Variants in LOXHD1 observed in about 807,000 individuals in gnomAD.
LOXHD1 encodes the protein lipoxygenase homology PLAT domains 1, also known as lipoxygenase homology domain-containing protein 1.
A neutral mutation model predicts 248.2 loss-of-function variants in LOXHD1; 205 were observed. The ratio of observed to expected loss-of-function variants is 0.83; its 90% CI spans 0.74 to 0.93. LOXHD1 has a LOEUF of 0.93. LOXHD1 is among the 40% of genes least tolerant of loss of function. The pLI, the probability that LOXHD1 is intolerant of heterozygous loss-of-function variation, is 0.00. For missense variants in LOXHD1, 2,930 were observed against 2,971.6 expected (o/e 0.99, Z 0.33); for synonymous variants, 1,113 against 1,162.8 (o/e 0.96, Z 0.87).
intron 24 of LOXHD1, among the ~76,000 whole-genome samples, chr18:46,542,349 G>A (rs963491283): frequency 3.3e-5 from 5 of 152,174 alleles, no homozygotes; most frequent in African/African-American, 1.2e-4. Flanking sequence ...TGAAGCAATT[G>A]AATCAAAGGC....
intron 21 of LOXHD1, among the ~76,000 whole-genome samples, chr18:46,550,102 G>A (rs2037024051): frequency 6.6e-6 from 1 of 152,258 alleles, no homozygotes; most frequent in African/African-American, 2.4e-5. Flanking sequence ...CAATGATTAA[G>A]TGACTTAACA....
At chr18:46,572,654 T>G (rs2037775627) in intron 14 of LOXHD1, among the ~76,000 whole-genome samples, 1 of 152,066 alleles carries the variant, frequency 6.6e-6, no homozygotes, top group African/African-American at 2.4e-5. Flanking sequence ...AACAAGCACC[T>G]CTTTTTCTAA....
chr18:46,631,739 C>A (rs551173005), intron 4 of LOXHD1, among the ~76,000 whole-genome samples: 1 of 152,208 alleles, frequency 6.6e-6, no homozygotes, highest in Non-Finnish European at 1.5e-5. Flanking sequence ...ATAGGGCAGG[C>A]CCCGGGGCTC....
chr18:46,585,350 G>T (rs1387214988), intron 12 of LOXHD1, among the ~76,000 whole-genome samples: 1 of 152,124 alleles, frequency 6.6e-6, no homozygotes, highest in Non-Finnish European at 1.5e-5. Context: ...CAAAGTTGTA[G>T]AGTACAAGAT....
chr18:46,639,519 A>C, intron 4 of LOXHD1, 97 bp downstream of exon 4: 1 of 1,361,416 alleles, frequency 7.3e-7, no homozygotes, highest in Non-Finnish European at 9.9e-7. Context: ...AAGATGAGGT[A>C]GGTGAGACTG....
intron 4 of LOXHD1, among the ~76,000 whole-genome samples, chr18:46,637,805 A>G (rs945373320): frequency 1.3e-4 from 20 of 152,218 alleles, no homozygotes; most frequent in African/African-American, 4.8e-4. Context: ...AGCTGGTAAT[A>G]CTGTGCAAAG....
Position 46,636,093 on chromosome 18 carries a change from C to T in LOXHD1, c.511+3523G>A, listed in dbSNP as rs189710628. 6.9e-4 allele frequency among the ~76,000 whole-genome samples: 105 copies of T among 152,300 alleles called. 1 individual carries two copies. Among genetic ancestry groups the T allele is most frequent in the South Asian group, 4.8e-3 (23 of 4,818 alleles). ...ACTTGGTTCTAGGATCTTCTATCCA[C>T]AAAACTGTGAGGCTGATCAGCTTCT... On this transcript the variant is annotated intron_variant, in intron 4 of 40. Transcript: ENST00000642948.
At position 46,576,836 on chromosome 18, in the gene LOXHD1, C is replaced by T. The variant is rs151207611; in HGVS notation, c.1970+871G>A. On this transcript the variant is annotated intron_variant, in intron 14 of 40. Coordinates refer to ENST00000642948, the MANE Select transcript of LOXHD1 (RefSeq NM_001384474.1). ...CAGCAGATGTGTGCCTGTGTGTGTG[C>T]GCCTGTAGGCACAGGCATGCATGTG... Among the ~76,000 whole-genome samples, 708 of 152,198 alleles carry T rather than the reference C, an allele frequency of 4.7e-3. 4 individuals are homozygous for T. Among genetic ancestry groups the T allele is most frequent in the Admixed American group, 6.7e-3 (103 of 15,292 alleles).
At chr18:46,559,237 G>A in intron 20 of LOXHD1, 3 of 1,507,048 alleles carry the variant, frequency 2.0e-6, no homozygotes, top group Non-Finnish European at 2.7e-6. Flanking sequence ...TGGCCCATGG[G>A]CTCTAGGTGC....
chr18:46,652,363 A>T (rs1413445659), intron 1 of LOXHD1, among the ~76,000 whole-genome samples: 1 of 152,230 alleles, frequency 6.6e-6, no homozygotes, highest in Non-Finnish European at 1.5e-5. Context: ...ATTTTATTAT[A>T]AATAAATTAT....
chr18:46,559,998 C>G, intron 19 of LOXHD1, 85 bp downstream of exon 19: 7 of 1,437,530 alleles, frequency 4.9e-6, no homozygotes, highest in Non-Finnish European at 5.6e-6. Flanking sequence ...TGAGGGGGAT[C>G]TAGGCCCCCT....
At chr18:46,530,265 A>G (rs970947939) in intron 28 of LOXHD1, among the ~76,000 whole-genome samples, 1 of 152,162 alleles carries the variant, frequency 6.6e-6, no homozygotes, top group Non-Finnish European at 1.5e-5. Context: ...TTGTCCTGGG[A>G]GGGAGTGAGG....
chr18:46,477,645 G>T lies in LOXHD1; in HGVS notation c.6649C>A (p.Arg2217Ser). The T allele has an allele frequency of 1.3e-6, 2 of 1,551,760 alleles. No homozygotes were observed. The highest frequency in any genetic ancestry group is 1.7e-6 in the Non-Finnish European group (2 of 1,147,020). Residue 2217 changes from arginine to serine, a missense_variant, in exon 41 of 41, where the codon CGC becomes AGC. Arg to Ser is a moderately radical substitution (Grantham distance 110, BLOSUM62 -1). Transcript: ENST00000642948. Reference sequence around the variant, plus strand: ...CTGTCGTGCTCCAGGCGCACCTTGCGCAGCTCACCCAGCTCCAGCGTCTCC... The same window carrying T: ...CTGTCGTGCTCCAGGCGCACCTTGCTCAGCTCACCCAGCTCCAGCGTCTCC... Reference protein sequence around the residue: ...FLETLELGELRKVRLEHDSSG... With the variant: ...FLETLELGELSKVRLEHDSSG...
chr18:46,539,383 C>T (rs944489038), intron 25 of LOXHD1, among the ~76,000 whole-genome samples: 2 of 152,072 alleles, frequency 1.3e-5, no homozygotes, highest in East Asian at 3.9e-4. Flanking sequence ...ATTGCTTGAA[C>T]CTGGGAGGTG....
intron 1 of LOXHD1, among the ~76,000 whole-genome samples, chr18:46,653,996 C>G (rs1023219232): frequency 6.6e-6 from 1 of 152,152 alleles, no homozygotes; most frequent in African/African-American, 2.4e-5. Context: ...TTGAATATGT[C>G]CCCTCCAAAA....
At chr18:46,618,084 G>A in intron 5 of LOXHD1, 108 bp downstream of exon 5, 1 of 730,588 alleles carries the variant, frequency 1.4e-6, no homozygotes, top group South Asian at 1.8e-5. Context: ...CTCAATAGAG[G>A]AGCCCAAAGT....
In LOXHD1 at chr18:46,592,030, G is replaced by C; in HGVS notation, c.1557C>G (p.Asn519Lys). 4 of 1,552,286 alleles carry C rather than the reference G, an allele frequency of 2.6e-6. No individual in the cohort carries two copies. The highest frequency in any genetic ancestry group is 3.5e-6 in the Non-Finnish European group (4 of 1,147,106). ...CATCCAGCCAGCGGTTGCAATTGAAGTTGTACTTGTCTTTGTTCAGAGTGT... is the reference window on the plus strand; with the variant it reads ...CATCCAGCCAGCGGTTGCAATTGAACTTGTACTTGTCTTTGTTCAGAGTGT... ...LMNTLNKDKY[N>K]FNCNRWLDAN... is the part of the protein sequence containing the mutation. Residue 519 changes from asparagine to lysine, a missense_variant, in exon 12 of 41, where the codon AAC (asparagine) becomes AAG (lysine). Physicochemically the swap from Asn to Lys is moderately conservative, Grantham distance 94. Coordinates refer to ENST00000642948, the MANE Select transcript of LOXHD1 (RefSeq NM_001384474.1).
chr18:46,611,022 T>A, intron 5 of LOXHD1, 98 bp from the exon 6 acceptor site: 1 of 1,408,990 alleles, frequency 7.1e-7, no homozygotes, highest in South Asian at 1.4e-5. Context: ...TCTTCCAAAG[T>A]TAACAAGGGC....
intron 20 of LOXHD1, chr18:46,558,020 C>A: frequency 1.0e-6 from 1 of 990,802 alleles, no homozygotes; most frequent in Non-Finnish European, 1.2e-6. Flanking sequence ...GCACACACTG[C>A]TCCATGCACG....
Sources: allele counts gnomAD v4.1 joint callset (sites outside exome capture counted in the v4.1 genomes callset), GRCh38; gene constraint gnomAD v4.1.1; transcripts MANE v1.5; gene names NCBI Gene and HGNC (gene_info 2026-07-23, HGNC 2026-07-21).